Variants in SGCD observed in about 807,000 individuals in gnomAD.
The protein encoded by SGCD is sarcoglycan delta.
A neutral mutation model predicts 36.6 loss-of-function variants in SGCD; 18 were observed. The ratio of observed to expected loss-of-function variants is 0.49; its 90% CI spans 0.34 to 0.73. The LOEUF (loss-of-function observed/expected upper bound fraction) is 0.73, where lower values mean the gene tolerates loss of function less well. Among genes scored for constraint, SGCD ranks in the 30% least tolerant of loss-of-function variants. SGCD has a pLI of 0.01. For missense variants in SGCD, 387 were observed against 346.7 expected (o/e 1.12, Z -0.92); for synonymous variants, 133 against 130.6 (o/e 1.02, Z -0.12).
intron 3 of SGCD, among the ~76,000 whole-genome samples, chr5:156,404,716 T>C (rs1772323676): frequency 6.6e-6 from 1 of 152,232 alleles, no homozygotes; most frequent in African/African-American, 2.4e-5. Flanking sequence ...ATGGGTTTGC[T>C]GTAACAACTG....
intron 1 of SGCD, among the ~76,000 whole-genome samples, chr5:156,029,978 C>T (rs1470287428): frequency 6.6e-6 from 1 of 152,180 alleles, no homozygotes; most frequent in Non-Finnish European, 1.5e-5. Flanking sequence ...ATAAACCTAC[C>T]TCCCTCACCT....
the SGCD span, among the ~76,000 whole-genome samples, chr5:155,784,233 AC>A: frequency 7.9e-5 from 12 of 152,152 alleles, no homozygotes; most frequent in Non-Finnish European, 1.6e-4. Flanking sequence ...ATCTGTTACC[AC>A]AGGAAGGAAC....
At chr5:155,855,302 A>G in the SGCD span, among the ~76,000 whole-genome samples, 1 of 151,982 alleles carries the variant, frequency 6.6e-6, no homozygotes, top group African/African-American at 2.4e-5. Flanking sequence ...GCTGTTCTAC[A>G]CTGGATTGCA....
At chr5:156,587,707 CT>C (rs1444048751) in intron 4 of SGCD, among the ~76,000 whole-genome samples, 1 of 152,098 alleles carries the variant, frequency 6.6e-6, no homozygotes, top group Non-Finnish European at 1.5e-5. Flanking sequence ...TTCATTTCAA[CT>C]TGATAAAATT....
intron 1 of SGCD, among the ~76,000 whole-genome samples, chr5:156,094,365 T>G (rs12152972): frequency 0.23 from 35,402 of 152,102 alleles, 4,457 homozygotes; most frequent in Middle Eastern, 0.3. Flanking sequence ...TACAACTATC[T>G]GGAAGAATTT....
chr5:155,733,273 C>G, the SGCD span, among the ~76,000 whole-genome samples: 1 of 152,152 alleles, frequency 6.6e-6, no homozygotes, highest in African/African-American at 2.4e-5. Flanking sequence ...ATCAGTGCCT[C>G]ATTCTGCAAG....
At chr5:156,367,586 C>A (rs1344131990) in intron 3 of SGCD, among the ~76,000 whole-genome samples, 6 of 152,138 alleles carry the variant, frequency 3.9e-5, no homozygotes, top group Admixed American at 2.0e-4. Flanking sequence ...TTGGAACATA[C>A]GGAACAACAT....
intron 7 of SGCD, among the ~76,000 whole-genome samples, chr5:156,700,960 G>A (rs202023504): frequency 1.2e-4 from 8 of 65,006 alleles, no homozygotes; most frequent in East Asian, 5.8e-4. Context: ...AAAAAAAAAA[G>A]AGAGAGAGAG....
chr5:156,071,162 C>A (rs923318760), intron 1 of SGCD, among the ~76,000 whole-genome samples: 5 of 152,048 alleles, frequency 3.3e-5, no homozygotes, highest in African/African-American at 1.2e-4. Context: ...TTATTTCTTG[C>A]CTTCTGCTAG....
intron 3 of SGCD, among the ~76,000 whole-genome samples, chr5:156,453,058 G>A (rs1166581968): frequency 6.6e-6 from 1 of 152,090 alleles, no homozygotes; most frequent in African/African-American, 2.4e-5. Flanking sequence ...TTTGAATATT[G>A]TATTCTAAAA....
the SGCD span, among the ~76,000 whole-genome samples, chr5:155,811,330 C>G: frequency 6.6e-6 from 1 of 152,038 alleles, no homozygotes; most frequent in African/African-American, 2.4e-5. Context: ...GAAACTAGCA[C>G]CCAGTTCCAT....
intron 3 of SGCD, among the ~76,000 whole-genome samples, chr5:156,184,326 G>A (rs1763681385): frequency 6.7e-6 from 1 of 148,894 alleles, no homozygotes; most frequent in African/African-American, 2.5e-5. Flanking sequence ...AACTGAAAAT[G>A]TTATCCTGTG....
At chr5:156,028,383 C>A (rs1759270052) in intron 1 of SGCD, among the ~76,000 whole-genome samples, 1 of 152,126 alleles carries the variant, frequency 6.6e-6, no homozygotes, top group South Asian at 2.1e-4. Context: ...TAGAGTCAGA[C>A]AGAACTGAAT....
At chr5:155,917,024 A>T (rs1274937752) in intron 1 of SGCD, among the ~76,000 whole-genome samples, 1 of 152,162 alleles carries the variant, frequency 6.6e-6, no homozygotes, top group Admixed American at 6.5e-5. Flanking sequence ...TAAAAAATAC[A>T]TCTGTAGAGC....
In SGCD at chr5:156,375,867, G is replaced by A. The variant is rs1448688669; in HGVS notation, c.192+31190G>A. Among the ~76,000 whole-genome samples, 7 of 152,044 alleles carry A rather than the reference G, an allele frequency of 4.6e-5. No individual in the cohort carries two copies. In the East Asian group the frequency reaches 1.4e-3, roughly 29 times the overall value. ...TTGGAAACTCTGCTATATTTTTACA[G>A]TATTTATTTTGCTTTAAAATTTTCT... is the stretch of plus-strand genomic sequence containing the variant. On this transcript the variant is annotated intron_variant, in intron 3 of 8. Coordinates refer to ENST00000337851, the MANE Select transcript of SGCD (RefSeq NM_000337.6).
At chr5:156,473,171 TACC>T (rs1213557965) in intron 3 of SGCD, among the ~76,000 whole-genome samples, 1 of 152,186 alleles carries the variant, frequency 6.6e-6, no homozygotes, top group African/African-American at 2.4e-5. Flanking sequence ...GTGCAATACT[TACC>T]ACCTGTACTT....
At chr5:155,959,494 C>G (rs1245783317) in intron 1 of SGCD, among the ~76,000 whole-genome samples, 1 of 152,070 alleles carries the variant, frequency 6.6e-6, no homozygotes, top group African/African-American at 2.4e-5. Context: ...TTTGAATAGT[C>G]TTTAGCCAAT....
At chr5:156,528,829 T>G (rs185543946) in intron 4 of SGCD, among the ~76,000 whole-genome samples, 80 of 152,302 alleles carry the variant, frequency 5.3e-4, no homozygotes, top group African/African-American at 1.8e-3. Flanking sequence ...AGAACAAAAT[T>G]AGCATTTCCA....
chr5:156,290,711 G>T (rs541529552), intron 3 of SGCD, among the ~76,000 whole-genome samples: 1 of 152,134 alleles, frequency 6.6e-6, no homozygotes, highest in Admixed American at 6.6e-5. Context: ...TCACTGGTTT[G>T]ATAGGTATAC....
Sources: gnomAD v4.1 joint callset for allele counts (sites outside exome capture counted in the v4.1 genomes callset) on GRCh38, gnomAD v4.1.1 for gene constraint, MANE v1.5 for transcripts, NCBI Gene and HGNC (gene_info 2026-07-23, HGNC 2026-07-21) for gene names.